Variants in CSMD2 observed in about 807,000 individuals in gnomAD.
CSMD2 encodes the protein CUB and sushi domain-containing protein 2.
Under a neutral mutation model 398.5 loss-of-function variants are expected in CSMD2, and 130 were observed. The ratio of observed to expected loss-of-function variants is 0.33; its 90% CI spans 0.28 to 0.38. The LOEUF (loss-of-function observed/expected upper bound fraction) is 0.38, where lower values mean the gene tolerates loss of function less well. CSMD2 is among the 10% of genes least tolerant of loss of function. CSMD2 has a pLI of 1.00. For missense variants in CSMD2, 3,829 were observed against 4,764.9 expected, an observed-to-expected ratio of 0.80 and a Z score of 5.78; for synonymous variants, 1,828 against 1,908.5, an observed-to-expected ratio of 0.96 and a Z score of 1.10.
intron 8 of CSMD2, 121 bp downstream of exon 8, chr1:33,820,348 T>C (rs1322105954): frequency 1.4e-6 from 1 of 725,132 alleles, no homozygotes. Context: ...CCAGGAAGTG[T>C]CTGTTCCTAT....
intron 2 of CSMD2, among the ~76,000 whole-genome samples, chr1:34,054,557 T>A (rs779324924): frequency 1.1e-4 from 17 of 152,006 alleles, no homozygotes; most frequent in Non-Finnish European, 1.9e-4. Context: ...CTGTCTCTAC[T>A]AAAATACCAA....
At chr1:33,572,882 G>T (rs565765402) in intron 49 of CSMD2, among the ~76,000 whole-genome samples, 191 bp from the exon 50 acceptor site, 5 of 151,808 alleles carry the variant, frequency 3.3e-5, no homozygotes, top group African/African-American at 1.2e-4. Context: ...TTTTAAGTTT[G>T]GAAGAAGGAA....
At chr1:34,030,827 C>G (rs1650320185) in intron 3 of CSMD2, among the ~76,000 whole-genome samples, 1 of 152,206 alleles carries the variant, frequency 6.6e-6, no homozygotes, top group Non-Finnish European at 1.5e-5. Flanking sequence ...CAGTCACTCC[C>G]AGCATCTTTG....
intron 13 of CSMD2, among the ~76,000 whole-genome samples, chr1:33,765,091 T>C (rs113911067): frequency 7.3e-4 from 111 of 152,334 alleles, no homozygotes; most frequent in Middle Eastern, 3.4e-3. Flanking sequence ...AACAAAAACA[T>C]GTGTCTGGAT....
At position 33,628,610 on chromosome 1, in the gene CSMD2, A is replaced by C. The variant is rs183122678; in HGVS notation, c.5201-2029T>G. Among the ~76,000 whole-genome samples the C allele has an allele frequency of 1.2e-3, 187 of 150,496 alleles. 1 individual carries two copies. Among genetic ancestry groups the C allele is most frequent in the African/African-American group, 4.4e-3 (178 of 40,886 alleles). The stretch of plus-strand genomic sequence containing the variant: ...CTTGAGCCTGGGAGGCAGAGGTTGC[A>C]GTGAGCTGAGATTGCACCACTACAC... On this transcript the variant is annotated intron_variant, in intron 32 of 70. Coordinates refer to ENST00000373381, the MANE Select transcript of CSMD2 (RefSeq NM_001281956.2).
chr1:34,053,289 G>A (rs1215398228), intron 2 of CSMD2, among the ~76,000 whole-genome samples: 1 of 152,106 alleles, frequency 6.6e-6, no homozygotes, highest in Non-Finnish European at 1.5e-5. Context: ...TTAATCAGCA[G>A]GGACAATTAG....
At chr1:33,593,498 C>G (rs373346043) in intron 44 of CSMD2, among the ~76,000 whole-genome samples, 3 of 152,258 alleles carry the variant, frequency 2.0e-5, no homozygotes, top group South Asian at 4.1e-4. Flanking sequence ...GCAGACAAGA[C>G]AAGACAGAGC....
chr1:33,940,977 C>T (rs1258001563), intron 3 of CSMD2, among the ~76,000 whole-genome samples: 3 of 152,042 alleles, frequency 2.0e-5, no homozygotes, highest in East Asian at 1.9e-4. Flanking sequence ...TCTAAGGCAC[C>T]GTGTTCTTTG....
At chr1:33,568,704 T>C (rs1659300531) in intron 52 of CSMD2, among the ~76,000 whole-genome samples, 1 of 152,198 alleles carries the variant, frequency 6.6e-6, no homozygotes, top group South Asian at 2.1e-4. Flanking sequence ...CCAGCTTCCT[T>C]TGGCTCTCTG....
At chr1:33,991,099 G>A (rs950424187) in intron 3 of CSMD2, among the ~76,000 whole-genome samples, 1 of 151,558 alleles carries the variant, frequency 6.6e-6, no homozygotes, top group African/African-American at 2.4e-5. Context: ...GATCACTGCA[G>A]CCTAGAACTC....
chr1:34,089,792 C>G (rs1331978219), intron 1 of CSMD2, among the ~76,000 whole-genome samples: 1 of 152,150 alleles, frequency 6.6e-6, no homozygotes, highest in East Asian at 1.9e-4. Context: ...TTCTTTCTAA[C>G]GTGTGTTCAG....
intron 10 of CSMD2, among the ~76,000 whole-genome samples, chr1:33,808,228 G>GA (rs1656448745): frequency 6.6e-6 from 1 of 151,862 alleles, no homozygotes; most frequent in Non-Finnish European, 1.5e-5. Flanking sequence ...AAGAAGACAA[G>GA]AAAAATCAAT....
chr1:34,042,981 G>A (rs1252135205), intron 2 of CSMD2, among the ~76,000 whole-genome samples: 1 of 151,894 alleles, frequency 6.6e-6, no homozygotes, highest in East Asian at 1.9e-4. Context: ...AGTAGAGATG[G>A]AGTTTGACCA....
intron 13 of CSMD2, among the ~76,000 whole-genome samples, chr1:33,762,754 C>T (rs556168906): frequency 4.6e-5 from 7 of 152,072 alleles, no homozygotes; most frequent in Non-Finnish European, 1.0e-4. Flanking sequence ...TCAGAGACTG[C>T]TTTAAAATAA....
At chr1:33,591,386 TG>T (rs1262022720) in intron 44 of CSMD2, among the ~76,000 whole-genome samples, 1 of 152,210 alleles carries the variant, frequency 6.6e-6, no homozygotes, top group East Asian at 1.9e-4. Flanking sequence ...CTTTTGAATC[TG>T]GGGTCCATGC....
intron 41 of CSMD2, among the ~76,000 whole-genome samples, chr1:33,610,046 G>C (rs1222139603): frequency 6.6e-6 from 1 of 152,160 alleles, no homozygotes; most frequent in Non-Finnish European, 1.5e-5. Context: ...TACTGTCTAT[G>C]AACTAGAAAG....
At chr1:34,145,986 G>A (rs1639731542) in intron 1 of CSMD2, among the ~76,000 whole-genome samples, 1 of 152,170 alleles carries the variant, frequency 6.6e-6, no homozygotes, top group African/African-American at 2.4e-5. Context: ...ATGGTGAAAG[G>A]AGGTGGAAAG....
At chr1:33,742,970 G>C (rs1049383098) in intron 14 of CSMD2, among the ~76,000 whole-genome samples, 5 of 152,154 alleles carry the variant, frequency 3.3e-5, no homozygotes, top group African/African-American at 1.2e-4. Flanking sequence ...AGTTCTGGTT[G>C]GGTCTTGTAG....
chr1:33,733,225 G>A (rs1646777868), intron 15 of CSMD2, among the ~76,000 whole-genome samples: 2 of 152,240 alleles, frequency 1.3e-5, no homozygotes, highest in African/African-American at 2.4e-5. Context: ...TCAGCCCTGC[G>A]GCTGGAAGTG....
Sources: gnomAD v4.1 joint callset for allele counts (sites outside exome capture counted in the v4.1 genomes callset) on GRCh38, gnomAD v4.1.1 for gene constraint, MANE v1.5 for transcripts, NCBI Gene and HGNC (gene_info 2026-07-23, HGNC 2026-07-21) for gene names.